Variants in SART3 observed in about 807,000 individuals in gnomAD.
The protein encoded by SART3 is HIV-1 Tat-interacting protein of 110kDa.
Under a neutral mutation model 122.3 loss-of-function variants are expected in SART3, and 44 were observed. The observed-to-expected ratio is 0.36, with a 90% confidence interval of 0.28 to 0.46. The LOEUF is 0.46. SART3 is among the 20% of genes least tolerant of loss of function. The probability of loss-of-function intolerance (pLI) is 1.00; values close to 1 mark genes in which losing one functional copy is unlikely to be tolerated. For missense variants in SART3, 1,101 were observed against 1,229.0 expected (o/e 0.90, Z 1.56); for synonymous variants, 442 against 454.0 (o/e 0.97, Z 0.34).
chr12:108,539,143 A>G, intron 6 of SART3, 54 bp from the exon 7 acceptor site: 1 of 1,595,782 alleles, frequency 6.3e-7, no homozygotes, highest in South Asian at 1.1e-5. Flanking sequence ...AGCACAACAC[A>G]TCTGCAAATA....
In SART3 at chr12:108,535,439, A is replaced by G. The variant is rs1282223511; in HGVS notation, c.1476T>C (p.Ala492=). ...EARLCNNMQK[A]RELWDSIMTR... ...TCATGATGCTATCCCAGAGTTCCCG[A>G]GCTTTCTGCATGTTATTGCACAGTC... Residue 492 remains alanine (A), a synonymous_variant, in exon 12 of 19, where the codon GCT becomes GCC. Transcript: ENST00000546815. 3 of 1,613,974 alleles carry G rather than the reference A, an allele frequency of 1.9e-6. No individual in the cohort carries two copies. The highest frequency in any genetic ancestry group is 2.7e-5 in the African/African-American group (2 of 74,882).
chr12:108,527,371 T>C (rs911317952), intron 15 of SART3, among the ~76,000 whole-genome samples: 1 of 152,234 alleles, frequency 6.6e-6, no homozygotes, highest in Admixed American at 6.5e-5. Flanking sequence ...CTCCTCCCTG[T>C]GTAGCTCAGA....
intron 14 of SART3, among the ~76,000 whole-genome samples, chr12:108,530,708 A>T (rs1005113013): frequency 6.6e-6 from 1 of 152,172 alleles, no homozygotes; most frequent in Admixed American, 6.5e-5. Context: ...AATACAAAAA[A>T]TTAGCTAGGT....
At chr12:108,552,001 C>A (rs1305177873) in intron 1 of SART3, among the ~76,000 whole-genome samples, 1 of 152,106 alleles carries the variant, frequency 6.6e-6, no homozygotes, top group South Asian at 2.1e-4. Flanking sequence ...GAATTATACA[C>A]CATGACCAAG....
intron 3 of SART3, among the ~76,000 whole-genome samples, chr12:108,546,434 C>T (rs2136685883): frequency 6.6e-6 from 1 of 151,944 alleles, no homozygotes; most frequent in Middle Eastern, 3.4e-3. Flanking sequence ...CTCCTGAACT[C>T]GTGATATACC....
At chr12:108,560,499 A>G (rs1395918429) in intron 1 of SART3, 1 of 395,804 alleles carries the variant, frequency 2.5e-6, no homozygotes, top group African/African-American at 2.1e-5. Flanking sequence ...ACGTGTGGTT[A>G]AGAGTGGGAG....
chr12:108,526,130 C>T lies in SART3; in HGVS notation c.2339G>A (p.Cys780Tyr), dbSNP rs1213985835. 6.2e-7 allele frequency: 1 copy of T among 1,614,212 alleles called. No individual in the cohort carries two copies. The highest frequency in any genetic ancestry group is 8.5e-7 in the Non-Finnish European group (1 of 1,180,024). The change falls in exon 16 of 19, where the codon TGT becomes TAT. Residue 780 changes from cysteine to tyrosine, a missense_variant. By Grantham distance (194) the Cys-to-Tyr change is radical (BLOSUM62 -2). Around this residue, in one of 2 missense-constraint regions of SART3, gnomAD observed 885 missense variants for 1,080.1 expected, o/e 0.82. Coordinates refer to ENST00000546815, the MANE Select transcript of SART3 (RefSeq NM_014706.4). ...ATCGGGGTTTTTGCTCTTATCCACA[C>T]AGGGGGAAACAAACATTGGCCTCCC... ...VEGRPMFVSP[C>Y]VDKSKNPDFK...
chr12:108,561,097 G>GC lies in SART3; in HGVS notation c.57dup (p.Pro20AlafsTer4). 6.2e-7 allele frequency: 1 copy of GC among 1,614,080 alleles called. No individual in the cohort carries two copies. Among genetic ancestry groups the GC allele is most frequent in the East Asian group, 2.2e-5 (1 of 44,868 alleles). On this transcript the variant is annotated frameshift_variant, in exon 1 of 19. Coordinates refer to ENST00000546815, the MANE Select transcript of SART3 (RefSeq NM_014706.4). LOFTEE classifies it high-confidence loss of function. ...TCATCCTCCTCTCCGTCAGCCTTGG[G>GC]CCCAGCCTTGGACTCAGCCTCGGGT...
At chr12:108,560,591 T>A in intron 1 of SART3, 1 of 469,788 alleles carries the variant, frequency 2.1e-6, no homozygotes, top group Non-Finnish European at 3.7e-6. Flanking sequence ...CGAGCCTCAG[T>A]TTCCTCCAGT....
At position 108,547,884 on chromosome 12, in the gene SART3, T is replaced by G; in HGVS notation, c.544+3A>C. On this transcript the variant is annotated splice_donor_region_variant and intron_variant, in intron 3 of 18. Transcript: ENST00000546815. ...TATCCAAAAAAAGTCCACGGGAACT[T>G]ACAAATGTAATCCTTCACGGCTTTC... is the stretch of plus-strand genomic sequence containing the variant. The G allele has an allele frequency of 6.2e-7, 1 of 1,611,250 alleles. No homozygotes were observed.
chr12:108,536,251 C>T lies in SART3; in HGVS notation c.1446+263G>A, dbSNP rs150241300. Among the ~76,000 whole-genome samples, 34 of 152,354 alleles carry T rather than the reference C, an allele frequency of 2.2e-4. No individual in the cohort carries two copies. The East Asian group carries it at 4.2e-3, about 19-fold the overall frequency. On this transcript the variant is annotated intron_variant, in intron 11 of 18. Transcript: ENST00000546815. ...GCAAAGAGGCAGAGACAGAAGTAAA[C>T]GAGTGAATACCTAGCATCTAAACAT... is the stretch of plus-strand genomic sequence containing the variant.
At chr12:108,536,878 T>C in intron 9 of SART3, 93 bp from the exon 10 acceptor site, 1 of 1,105,982 alleles carries the variant, frequency 9.0e-7, no homozygotes, top group South Asian at 1.3e-5. Flanking sequence ...GGAGACCCAC[T>C]ATGTACCTGG....
intron 15 of SART3, 65 bp downstream of exon 15, chr12:108,530,077 T>C (rs1872594347): frequency 6.4e-7 from 1 of 1,571,732 alleles, no homozygotes. Flanking sequence ...AAGTTCTTCA[T>C]ACTGTATTCG....
chr12:108,529,631 G>A (rs1054955512), intron 15 of SART3, among the ~76,000 whole-genome samples: 10 of 152,294 alleles, frequency 6.6e-5, no homozygotes, highest in East Asian at 3.9e-4. Flanking sequence ...GGAACAAAGC[G>A]AATCACAGTC....
At position 108,545,137 on chromosome 12, in the gene SART3, A is replaced by G; in HGVS notation, c.729+2T>C. ...CGTTCAGAGACAACCACAGGTACTC[A>G]CCCGAGCAGCTTCCACAATCGCACT... On this transcript the variant is annotated splice_donor_variant, in intron 4 of 18. Transcript: ENST00000546815. LOFTEE classifies it high-confidence loss of function. 6.2e-7 allele frequency: 1 copy of G among 1,614,044 alleles called. No individual in the cohort carries two copies. Among genetic ancestry groups the G allele is most frequent in the Non-Finnish European group, 8.5e-7 (1 of 1,179,966 alleles).
intron 4 of SART3, 24 bp downstream of exon 4, chr12:108,545,115 T>C: frequency 2.5e-6 from 4 of 1,612,570 alleles, no homozygotes; most frequent in Non-Finnish European, 3.4e-6. Flanking sequence ...CCCAACCCGT[T>C]CAGAGACAAC....
At chr12:108,525,318 A>T in intron 17 of SART3, 139 bp downstream of exon 17, 1 of 852,096 alleles carries the variant, frequency 1.2e-6, no homozygotes, top group South Asian at 1.5e-5. Flanking sequence ...CTAAGTGCAG[A>T]TCTTTCTGTG....
chr12:108,553,227 T>C (rs1314556969), intron 1 of SART3, among the ~76,000 whole-genome samples: 1 of 152,110 alleles, frequency 6.6e-6, no homozygotes, highest in Admixed American at 6.6e-5. Flanking sequence ...CATCACAAAA[T>C]GTTAGGACAA....
In SART3 at chr12:108,545,293, T is replaced by A; in HGVS notation, c.575A>T (p.Tyr192Phe). The part of the protein sequence containing the change: ...CPNIWLEYGQ[Y>F]SVGGIGQKGG... ...TTTCTGACCAATCCCACCAACTGAGTACTGGCCATACTCTAGCCAAATGTT... is the reference window on the plus strand; with the variant it reads ...TTTCTGACCAATCCCACCAACTGAGAACTGGCCATACTCTAGCCAAATGTT... The change falls in exon 4 of 19, where the codon TAC (tyrosine) becomes TTC (phenylalanine). Residue 192 changes from tyrosine to phenylalanine, a missense_variant. This residue lies in a region of SART3 where 885 missense variants were observed against 1,080.1 expected (regional missense o/e 0.82). Transcript: ENST00000546815. 2 of 1,614,066 alleles carry A rather than the reference T, an allele frequency of 1.2e-6. No individual in the cohort carries two copies. The highest frequency in any genetic ancestry group is 1.7e-6 in the Non-Finnish European group (2 of 1,179,996).
Sources: allele counts gnomAD v4.1 joint callset (sites outside exome capture counted in the v4.1 genomes callset), GRCh38; gene constraint gnomAD v4.1.1; regional missense constraint gnomAD v4.1.1; transcripts MANE v1.5; gene names NCBI Gene and HGNC (gene_info 2026-07-23, HGNC 2026-07-21).